The following ZC3H12B variants were observed in gnomAD, a reference collection of about 807,000 sequenced individuals.
ZC3H12B encodes zinc finger CCCH-type containing 12B.
In ZC3H12B, 7 loss-of-function variants were observed where a neutral mutation model predicts 43.9. The ratio of observed to expected loss-of-function variants is 0.16; its 90% CI spans 0.09 to 0.30. ZC3H12B has a LOEUF of 0.30. Among genes scored for constraint, ZC3H12B ranks in the 10% least tolerant of loss-of-function variants. ZC3H12B has a pLI of 1.00. For synonymous variants in ZC3H12B, 222 were observed against 241.7 expected, an observed-to-expected ratio of 0.92 and a Z score of 0.76; for missense variants, 475 against 670.2, an observed-to-expected ratio of 0.71 and a Z score of 3.22.
the ZC3H12B span, among the ~76,000 whole-genome samples, chrX:65,336,378 C>A: frequency 1.4e-3 from 154 of 112,201 alleles, 2 homozygotes; most frequent in Middle Eastern, 4.6e-3. Flanking sequence ...AATCATGGAA[C>A]CAAAAGCAAA....
chrX:65,129,260 T>C, the ZC3H12B span, among the ~76,000 whole-genome samples: 1 of 88,751 alleles, frequency 1.1e-5, no homozygotes, highest in African/African-American at 7.3e-5. Context: ...TATATATGTA[T>C]ATATATATAT....
the ZC3H12B span, among the ~76,000 whole-genome samples, chrX:65,268,450 C>T: frequency 8.9e-6 from 1 of 111,767 alleles, no homozygotes; most frequent in African/African-American, 3.2e-5. Context: ...CAAAAAAAGA[C>T]ACCAAAAGAA....
At chrX:65,087,762 A>T in the ZC3H12B span, among the ~76,000 whole-genome samples, 1 of 112,101 alleles carries the variant, frequency 8.9e-6, no homozygotes, top group African/African-American at 3.2e-5. Context: ...AACTGAGAGT[A>T]CAGAAAACTG....
chrX:65,056,362 A>G, the ZC3H12B span, among the ~76,000 whole-genome samples: 1 of 111,782 alleles, frequency 8.9e-6, no homozygotes, highest in Non-Finnish European at 1.9e-5. Flanking sequence ...GTAGTCATTC[A>G]GGAGCAGGTT....
intron 2 of ZC3H12B, among the ~76,000 whole-genome samples, chrX:65,374,368 G>T (rs2066315920): frequency 1.0e-5 from 1 of 99,461 alleles, no homozygotes; most frequent in Admixed American, 1.2e-4. Context: ...GCAAGTCTCA[G>T]CATCATGTAA....
At chrX:65,332,956 C>A in the ZC3H12B span, among the ~76,000 whole-genome samples, 1 of 111,856 alleles carries the variant, frequency 8.9e-6, no homozygotes, top group Non-Finnish European at 1.9e-5. Context: ...GTCACATAAG[C>A]TCTTTTTAAA....
the ZC3H12B span, among the ~76,000 whole-genome samples, chrX:65,278,703 G>A: frequency 9.0e-6 from 1 of 110,789 alleles, no homozygotes; most frequent in South Asian, 3.9e-4. Context: ...TTGTTACATA[G>A]GTACACAGGT....
At chrX:65,341,812 T>A in the ZC3H12B span, among the ~76,000 whole-genome samples, 66 of 109,789 alleles carry the variant, frequency 6.0e-4, no homozygotes, top group African/African-American at 2.1e-3. Context: ...AAAAAAAATC[T>A]GGATAATAAC....
chrX:65,215,557 G>A, the ZC3H12B span, among the ~76,000 whole-genome samples: 3 of 110,783 alleles, frequency 2.7e-5, no homozygotes, highest in East Asian at 2.9e-4. Flanking sequence ...GCCCTGTATT[G>A]GGTTTTGGCT....
chrX:65,357,137 G>A, the ZC3H12B span: 2 of 478,296 alleles, frequency 4.2e-6, no homozygotes, highest in East Asian at 4.0e-5. Context: ...TTCACATGGG[G>A]GCTCTGTCCT....
the ZC3H12B span, chrX:65,272,995 C>A: frequency 8.9e-6 from 1 of 112,206 alleles, no homozygotes; most frequent in East Asian, 2.8e-4. Context: ...CTGAGGCATT[C>A]TAAAACTGGA....
At chrX:65,256,243 A>G in the ZC3H12B span, among the ~76,000 whole-genome samples, 17 of 112,373 alleles carry the variant, frequency 1.5e-4, no homozygotes, top group African/African-American at 5.2e-4. Context: ...CATTTTTCTC[A>G]TCTGCATATG....
At chrX:65,372,307 C>A (rs1032000569) in intron 2 of ZC3H12B, among the ~76,000 whole-genome samples, 6 of 111,535 alleles carry the variant, frequency 5.4e-5, no homozygotes, top group Non-Finnish European at 7.5e-5. Flanking sequence ...AACATGCATT[C>A]CAAGCCTTCC....
chrX:65,312,305 C>T, the ZC3H12B span, among the ~76,000 whole-genome samples: 1 of 111,295 alleles, frequency 9.0e-6, no homozygotes, highest in Non-Finnish European at 1.9e-5. Context: ...AGGGAACAGA[C>T]AATACCTCTG....
At chrX:65,241,149 A>G in the ZC3H12B span, among the ~76,000 whole-genome samples, 3 of 112,323 alleles carry the variant, frequency 2.7e-5, no homozygotes, top group East Asian at 8.5e-4. Flanking sequence ...AGCAGTCTGG[A>G]AAGGCTGAGT....
chrX:65,352,237 GTTCTC>G, the ZC3H12B span, among the ~76,000 whole-genome samples: 1 of 111,811 alleles, frequency 8.9e-6, no homozygotes, highest in Non-Finnish European at 1.9e-5. Context: ...AACACTGCAT[GTTCTC>G]ATTCATAAGT....
intron 2 of ZC3H12B, among the ~76,000 whole-genome samples, chrX:65,387,570 C>G (rs2066546304): frequency 8.9e-6 from 1 of 112,130 alleles, no homozygotes; most frequent in Admixed American, 9.5e-5. Context: ...ATACAGCACA[C>G]TGACTGGTCT....
the ZC3H12B span, among the ~76,000 whole-genome samples, chrX:65,110,277 A>G: frequency 9.0e-6 from 1 of 110,809 alleles, no homozygotes; most frequent in Non-Finnish European, 1.9e-5. Flanking sequence ...TTTGCAGAAC[A>G]AAAATTTTAT....
the ZC3H12B span, among the ~76,000 whole-genome samples, chrX:65,206,271 G>A: frequency 8.9e-6 from 1 of 111,828 alleles, no homozygotes; most frequent in Non-Finnish European, 1.9e-5. Context: ...TGTAGTATAA[G>A]GTCATAGTCA....
Sources: allele counts gnomAD v4.1 joint callset (sites outside exome capture counted in the v4.1 genomes callset), GRCh38; gene constraint gnomAD v4.1.1; transcripts MANE v1.5; gene names NCBI Gene and HGNC (gene_info 2026-07-23, HGNC 2026-07-21).